Variants in TMC1 observed in about 807,000 individuals in gnomAD.
The protein encoded by TMC1 is transmembrane channel like 1.
TMC1 carries 84 observed loss-of-function variants against 105.8 expected under a neutral mutation model. The observed-to-expected ratio is 0.79, with a 90% CI of 0.67 to 0.95. The LOEUF (loss-of-function observed/expected upper bound fraction) is 0.95. TMC1 is among the 40% of genes least tolerant of loss of function. The probability of loss-of-function intolerance (pLI) is 0.00; values close to 1 mark genes in which losing one functional copy is unlikely to be tolerated. For missense variants in TMC1, 817 were observed against 914.1 expected, an observed-to-expected ratio of 0.89 and a Z score of 1.37; for synonymous variants, 315 against 311.5, an observed-to-expected ratio of 1.01 and a Z score of -0.12.
chr9:72,810,080 G>A (rs1405250421), intron 18 of TMC1, among the ~76,000 whole-genome samples: 1 of 149,316 alleles, frequency 6.7e-6, no homozygotes, highest in Non-Finnish European at 1.5e-5. Flanking sequence ...CCGGTGGAGG[G>A]ACAAGTGTAA....
chr9:72,832,172 A>C (rs1242877011), intron 23 of TMC1, among the ~76,000 whole-genome samples: 2 of 151,894 alleles, frequency 1.3e-5, no homozygotes, highest in Non-Finnish European at 2.9e-5. Flanking sequence ...GGCTGCTCTC[A>C]AAGTCTTGGG....
intron 17 of TMC1, among the ~76,000 whole-genome samples, chr9:72,794,830 A>G (rs987761105): frequency 2.0e-5 from 3 of 152,228 alleles, no homozygotes; most frequent in African/African-American, 4.8e-5. Flanking sequence ...AATGAAGATC[A>G]TTGAGATTCA....
At chr9:72,592,090 T>C (rs1395516665) in intron 2 of TMC1, among the ~76,000 whole-genome samples, 1 of 152,126 alleles carries the variant, frequency 6.6e-6, no homozygotes, top group African/African-American at 2.4e-5. Context: ...CCATCTGATG[T>C]GGTAGATAAC....
chr9:72,788,283 C>T, intron 13 of TMC1, 56 bp from the exon 14 acceptor site: 1 of 1,600,978 alleles, frequency 6.2e-7, no homozygotes, highest in Non-Finnish European at 8.6e-7. Flanking sequence ...TGTTTTGTTG[C>T]TATTTCCCCT....
chr9:72,687,855 T>C (rs1413942767), intron 5 of TMC1, among the ~76,000 whole-genome samples: 1 of 152,324 alleles, frequency 6.6e-6, no homozygotes, highest in African/African-American at 2.4e-5. Flanking sequence ...TCATGTTTTA[T>C]AAGCAAGTTA....
chr9:72,612,410 G>A (rs1825044185), intron 2 of TMC1, among the ~76,000 whole-genome samples: 1 of 151,846 alleles, frequency 6.6e-6, no homozygotes, highest in Non-Finnish European at 1.5e-5. Flanking sequence ...CTGGGCTCAA[G>A]CAATCCTCCC....
intron 5 of TMC1, among the ~76,000 whole-genome samples, chr9:72,666,044 A>G (rs1826037172): frequency 6.6e-6 from 1 of 152,228 alleles, no homozygotes; most frequent in Non-Finnish European, 1.5e-5. Flanking sequence ...ACCAGACTAC[A>G]TAAATGTTTT....
intron 1 of TMC1, among the ~76,000 whole-genome samples, chr9:72,545,581 G>A (rs546400281): frequency 1.2e-4 from 18 of 152,186 alleles, no homozygotes; most frequent in Middle Eastern, 3.4e-3. Flanking sequence ...TCTGCCTCCT[G>A]GGTTCAAGTG....
At chr9:72,646,205 A>C (rs1466469030) in intron 4 of TMC1, among the ~76,000 whole-genome samples, 1 of 152,102 alleles carries the variant, frequency 6.6e-6, no homozygotes, top group African/African-American at 2.4e-5. Context: ...TGTTATTGTT[A>C]TTCTATTATG....
intron 10 of TMC1, among the ~76,000 whole-genome samples, chr9:72,743,453 G>C (rs1436149505): frequency 7.3e-5 from 11 of 150,820 alleles, no homozygotes; most frequent in Admixed American, 7.3e-4. Flanking sequence ...TGTAGTCCCA[G>C]CTACTCAGGA....
chr9:72,750,402 G>A (rs1248052918), intron 10 of TMC1, among the ~76,000 whole-genome samples: 1 of 152,184 alleles, frequency 6.6e-6, no homozygotes, highest in Non-Finnish European at 1.5e-5. Context: ...ATGATAATTT[G>A]GAAGATTGGG....
At chr9:72,709,131 C>G (rs1826793810) in intron 8 of TMC1, among the ~76,000 whole-genome samples, 1 of 151,964 alleles carries the variant, frequency 6.6e-6, no homozygotes, top group Non-Finnish European at 1.5e-5. Flanking sequence ...CATGTCATTT[C>G]TGTTTTAATT....
chr9:72,803,159 C>G (rs147664043), intron 17 of TMC1, among the ~76,000 whole-genome samples: 1,884 of 152,202 alleles, frequency 0.012, 54 homozygotes, highest in African/African-American at 0.043. Context: ...ATAAATGATG[C>G]TAAGAAAACT....
chr9:72,601,927 T>A (rs1213553059), intron 2 of TMC1, among the ~76,000 whole-genome samples: 1 of 152,232 alleles, frequency 6.6e-6, no homozygotes, highest in African/African-American at 2.4e-5. Flanking sequence ...GGCATGTATC[T>A]AATGAGACAT....
intron 3 of TMC1, among the ~76,000 whole-genome samples, chr9:72,618,738 C>T (rs12350823): frequency 0.26 from 40,155 of 151,752 alleles, 5,626 homozygotes; most frequent in African/African-American, 0.32. Flanking sequence ...TATGGATGCA[C>T]AGCTATTAGG....
At chr9:72,628,207 T>C (rs893503568) in intron 4 of TMC1, 144 bp downstream of exon 4, 1 of 352,748 alleles carries the variant, frequency 2.8e-6, no homozygotes, top group Non-Finnish European at 5.8e-6. Flanking sequence ...CTGGGGGAGA[T>C]TGTCTAAGCT....
intron 1 of TMC1, among the ~76,000 whole-genome samples, chr9:72,550,928 C>T (rs1040653832): frequency 1.3e-5 from 2 of 151,800 alleles, no homozygotes; most frequent in African/African-American, 4.8e-5. Flanking sequence ...CACAGGGGTC[C>T]CTAGAAAGAA....
At chr9:72,801,698 G>A (rs1828475100) in intron 17 of TMC1, among the ~76,000 whole-genome samples, 2 of 152,232 alleles carry the variant, frequency 1.3e-5, no homozygotes. Context: ...GGTGTGGAGT[G>A]TGGGGTTTAG....
intron 2 of TMC1, chr9:72,616,156 G>C (rs1434613545): frequency 6.6e-6 from 1 of 152,186 alleles, no homozygotes; most frequent in African/African-American, 2.4e-5. Flanking sequence ...TGCCAGCATG[G>C]AACATTCACA....
Sources: allele counts gnomAD v4.1 joint callset (sites outside exome capture counted in the v4.1 genomes callset), GRCh38; gene constraint gnomAD v4.1.1; transcripts MANE v1.5; gene names NCBI Gene and HGNC (gene_info 2026-07-23, HGNC 2026-07-21).